The following PRKCH variants were observed in gnomAD, a reference collection of about 807,000 sequenced individuals.
PRKCH encodes protein kinase C eta.
Under a neutral mutation model 82.5 loss-of-function variants are expected in PRKCH, and 28 were observed. That is an observed-to-expected ratio of 0.34 (90% CI 0.25 to 0.47). The LOEUF (loss-of-function observed/expected upper bound fraction) is 0.47, where lower values mean the gene tolerates loss of function less well. Among genes scored for constraint, PRKCH ranks in the 20% least tolerant of loss-of-function variants. The pLI is 1.00. For synonymous variants in PRKCH, 322 were observed against 327.4 expected, an observed-to-expected ratio of 0.98 and a Z score of 0.18; for missense variants, 705 against 881.8, an observed-to-expected ratio of 0.80 and a Z score of 2.54.
intron 1 of PRKCH, among the ~76,000 whole-genome samples, chr14:61,262,365 G>C (rs547288325): frequency 2.6e-5 from 4 of 152,064 alleles, no homozygotes; most frequent in Non-Finnish European, 5.9e-5. Flanking sequence ...AAAAAGGAAT[G>C]AACTACAGAT....
intron 1 of PRKCH, 95 bp from the exon 2 acceptor site, chr14:61,391,130 A>T (rs1354754517): frequency 1.0e-6 from 1 of 968,900 alleles, no homozygotes; most frequent in Non-Finnish European, 1.5e-6. Flanking sequence ...TGTGGCTGTG[A>T]TTTACACATT....
chr14:61,265,125 A>G lies in PRKCH; in HGVS notation c.-19+77457A>G, dbSNP rs2045086292. Among the ~76,000 whole-genome samples the G allele has an allele frequency of 2.0e-5, 3 of 152,300 alleles. No individual in the cohort carries two copies. In the South Asian group the frequency reaches 6.2e-4, roughly 32 times the overall value. ...ATAACCTTTTTCAAATTCTCAGTGG[A>G]AAATAACAGGGTTATCCTCTGTTAT... On this transcript the variant is annotated intron_variant, in intron 1 of 3. Transcript: ENST00000555185.
chr14:61,420,324 C>T (rs1247637532), intron 2 of PRKCH, among the ~76,000 whole-genome samples: 1 of 152,118 alleles, frequency 6.6e-6, no homozygotes, highest in Non-Finnish European at 1.5e-5. Context: ...TGCTACTCCT[C>T]CTTTTTCCTC....
chr14:61,522,662 C>T (rs564251050), intron 10 of PRKCH, among the ~76,000 whole-genome samples: 1 of 152,338 alleles, frequency 6.6e-6, no homozygotes, highest in African/African-American at 2.4e-5. Context: ...GATCTATTCC[C>T]ATGTTTTCTC....
chr14:61,236,525 T>C (rs113369202), intron 1 of PRKCH, among the ~76,000 whole-genome samples: 2 of 152,006 alleles, frequency 1.3e-5, no homozygotes, highest in African/African-American at 4.8e-5. Context: ...CTGGCCAAGA[T>C]GGTGAAACCC....
chr14:61,493,634 C>T (rs936408841), intron 10 of PRKCH, among the ~76,000 whole-genome samples: 2 of 152,214 alleles, frequency 1.3e-5, no homozygotes, highest in South Asian at 4.2e-4. Context: ...GCCAGGGAGT[C>T]TGGGCTTTAT....
At chr14:61,354,564 T>C (rs2046124424) in intron 1 of PRKCH, among the ~76,000 whole-genome samples, 9 of 152,212 alleles carry the variant, frequency 5.9e-5, no homozygotes, top group Admixed American at 5.9e-4. Flanking sequence ...AAGTTTATTC[T>C]ATAAGCATTT....
intron 1 of PRKCH, among the ~76,000 whole-genome samples, chr14:61,370,084 C>G (rs1209807134): frequency 1.3e-5 from 2 of 151,946 alleles, no homozygotes; most frequent in Non-Finnish European, 2.9e-5. Context: ...ATTGGGATTA[C>G]AGGCGCCCAT....
intron 1 of PRKCH, among the ~76,000 whole-genome samples, chr14:61,206,999 G>T (rs978205802): frequency 6.6e-6 from 1 of 150,688 alleles, no homozygotes; most frequent in Non-Finnish European, 1.5e-5. Flanking sequence ...CCAGCTACTC[G>T]GGAGGCCGAG....
intron 5 of PRKCH, 52 bp from the exon 6 acceptor site, chr14:61,450,790 A>G (rs200436297): frequency 7.0e-5 from 111 of 1,581,932 alleles, no homozygotes; most frequent in Non-Finnish European, 8.9e-5. Context: ...GTTTTTACAA[A>G]GGACATTGGT....
At chr14:61,202,485 A>G (rs895050192) in intron 1 of PRKCH, among the ~76,000 whole-genome samples, 1 of 152,152 alleles carries the variant, frequency 6.6e-6, no homozygotes, top group African/African-American at 2.4e-5. Flanking sequence ...ACATATATAG[A>G]TGCATGGAAA....
chr14:61,300,867 G>A (rs569361566), intron 1 of PRKCH, among the ~76,000 whole-genome samples: 50 of 152,216 alleles, frequency 3.3e-4, no homozygotes, highest in Non-Finnish European at 6.3e-4. Flanking sequence ...AACAGAAAAC[G>A]TGGCACTGGC....
In PRKCH at chr14:61,549,723, C is replaced by T; in HGVS notation, c.1944C>T (p.Phe648=). 6.2e-7 allele frequency: 1 copy of T among 1,613,482 alleles called. No homozygotes were observed. Among genetic ancestry groups the T allele is most frequent in the East Asian group, 2.2e-5 (1 of 44,868 alleles). ...ATGTCAGTAATTTTGACCCTGACTT[C>T]ATAAAGGAAGAGCCAGTTTTAACTC... is the stretch of plus-strand genomic sequence containing the variant. ...REDVSNFDPD[F]IKEEPVLTPI... is the part of the protein sequence containing the mutation. The change falls in exon 14 of 14, where the codon TTC becomes TTT. Residue 648 remains phenylalanine (F), a synonymous_variant. Coordinates refer to ENST00000332981, the MANE Select transcript of PRKCH (RefSeq NM_006255.5).
chr14:61,439,663 C>T (rs115507647), intron 2 of PRKCH, among the ~76,000 whole-genome samples: 1 of 150,240 alleles, frequency 6.7e-6, no homozygotes, highest in South Asian at 2.1e-4. Flanking sequence ...GCTGCTGTGG[C>T]AACAGTGGGT....
intron 1 of PRKCH, among the ~76,000 whole-genome samples, chr14:61,357,643 A>ACGCTATAGTCCTTATCTTT (rs1483744713): frequency 1.3e-5 from 2 of 152,208 alleles, no homozygotes; most frequent in Non-Finnish European, 2.9e-5. Flanking sequence ...TCCAGTGGAC[A>ACGCTATAGTCCTTATCTTT]CGCTATAGTC....
chr14:61,495,956 A>T (rs1229877396), intron 10 of PRKCH, among the ~76,000 whole-genome samples: 1 of 152,234 alleles, frequency 6.6e-6, no homozygotes, highest in African/African-American at 2.4e-5. Flanking sequence ...AGCTTCTCTG[A>T]TAAGGGACAT....
chr14:61,372,407 G>A (rs2140174695), intron 1 of PRKCH, among the ~76,000 whole-genome samples: 1 of 152,194 alleles, frequency 6.6e-6, no homozygotes, highest in South Asian at 2.1e-4. Context: ...TCATGCTAAT[G>A]TTTTCAACTC....
chr14:61,280,506 G>A lies in PRKCH; in HGVS notation c.-19+92838G>A, dbSNP rs2045249090. 6.2e-7 allele frequency: 1 copy of A among 1,612,908 alleles called. No individual in the cohort carries two copies. Among genetic ancestry groups the A allele is most frequent in the African/African-American group, 1.3e-5 (1 of 74,926 alleles). ...TGCCCTGGAAGGCCAACGCCAGGCT[G>A]CCGTTGACCAGCGGCGGGTTGCGGA... is the stretch of plus-strand genomic sequence containing the variant. On this transcript the variant is annotated intron_variant, in intron 1 of 3. Transcript: ENST00000555185. The surrounding 1 kb of genome is among the most constrained non-coding windows in gnomAD (Gnocchi z 5.0).
At chr14:61,257,527 T>C (rs1434751653) in intron 1 of PRKCH, among the ~76,000 whole-genome samples, 1 of 151,862 alleles carries the variant, frequency 6.6e-6, no homozygotes, top group Non-Finnish European at 1.5e-5. Flanking sequence ...TGTGGAACTA[T>C]TTACAATAAA....
Sources: allele counts gnomAD v4.1 joint callset (sites outside exome capture counted in the v4.1 genomes callset), GRCh38; gene constraint gnomAD v4.1.1; non-coding constraint Gnocchi (gnomAD v3.1); transcripts MANE v1.5; gene names NCBI Gene and HGNC (gene_info 2026-07-23, HGNC 2026-07-21).